CELF4: variants seen among roughly 807,000 people sequenced by gnomAD.
CELF4 encodes the protein CUGBP Elav-like family member 4.
A neutral mutation model predicts 59.9 loss-of-function variants in CELF4; 18 were observed. That is an observed-to-expected ratio of 0.30 (90% confidence interval 0.21 to 0.45). CELF4 has a LOEUF of 0.45. Among genes scored for constraint, CELF4 ranks in the 20% least tolerant of loss-of-function variants. The pLI is 1.00. For synonymous variants in CELF4, 261 were observed against 267.1 expected, an observed-to-expected ratio of 0.98 and a Z score of 0.22; for missense variants, 456 against 689.0, an observed-to-expected ratio of 0.66 and a Z score of 3.79.
chr18:37,408,004 C>CT (rs1216293520), intron 2 of CELF4, among the ~76,000 whole-genome samples: 1 of 152,174 alleles, frequency 6.6e-6, no homozygotes, highest in Non-Finnish European at 1.5e-5. Flanking sequence ...AACCGCAACA[C>CT]TGTGTGTACC....
At chr18:37,477,132 C>T (rs183370827) in intron 2 of CELF4, among the ~76,000 whole-genome samples, 2 of 152,198 alleles carry the variant, frequency 1.3e-5, no homozygotes, top group African/African-American at 2.4e-5. Context: ...GCCTCCCTCC[C>T]GCCCATCCTT....
At chr18:37,466,360 T>C (rs1176320338) in intron 2 of CELF4, among the ~76,000 whole-genome samples, 2 of 151,630 alleles carry the variant, frequency 1.3e-5, no homozygotes, top group African/African-American at 4.9e-5. Flanking sequence ...GAAGTGACAG[T>C]TTGATGCCTA....
chr18:37,388,153 G>A (rs1435665852), intron 2 of CELF4, among the ~76,000 whole-genome samples: 1 of 152,130 alleles, frequency 6.6e-6, no homozygotes, highest in Non-Finnish European at 1.5e-5. Flanking sequence ...CACCTGAGGT[G>A]TGAGAGGGGC....
chr18:37,291,423 C>A (rs2095326088), intron 3 of CELF4, among the ~76,000 whole-genome samples: 2 of 152,226 alleles, frequency 1.3e-5, no homozygotes, highest in Admixed American at 1.3e-4. Context: ...CCTGCATATG[C>A]ATCTCTTTCT....
Position 37,367,584 on chromosome 18 carries a change from G to T in CELF4, c.370-45703C>A, listed in dbSNP as rs1472052861. ...TAATGAGATCTGGTGTTGGGTGCCCGGAAGGTGCAATGTGCAGGATGGTCT... is the reference window on the plus strand; with the variant it reads ...TAATGAGATCTGGTGTTGGGTGCCCTGAAGGTGCAATGTGCAGGATGGTCT... On this transcript the variant is annotated intron_variant, in intron 2 of 12. Transcript: ENST00000420428. Among the ~76,000 whole-genome samples, 6 of 152,096 alleles carry T rather than the reference G, an allele frequency of 3.9e-5. No individual in the cohort carries two copies. The East Asian group carries it at 9.6e-4, about 24-fold the overall frequency.
chr18:37,274,862 G>A lies in CELF4; in HGVS notation c.600C>T (p.Ser200=), dbSNP rs745729950. ...NSKGCAFVKY[S]SHAEAQAAIN... is the part of the protein sequence containing the mutation. ...TGGCGGCCTGCGCCTCGGCGTGGGA[G>A]GAGTACTTCACAAAGGCGCACCCTG... Residue 200 remains serine (S), a synonymous_variant, in exon 5 of 13, where the codon TCC becomes TCT. Transcript: ENST00000420428. The A allele has an allele frequency of 1.6e-5, 25 of 1,608,348 alleles. No individual in the cohort carries two copies. The highest frequency in any genetic ancestry group is 2.1e-5 in the Non-Finnish European group (25 of 1,178,254).
intron 1 of CELF4, among the ~76,000 whole-genome samples, chr18:37,516,948 TTC>T (rs1486663103): frequency 6.6e-6 from 1 of 152,222 alleles, no homozygotes; most frequent in Non-Finnish European, 1.5e-5. Context: ...ATGGCCTGTG[TTC>T]TCTCTCTCTG....
intron 1 of CELF4, among the ~76,000 whole-genome samples, chr18:37,538,989 C>A (rs568189853): frequency 5.3e-5 from 8 of 152,324 alleles, no homozygotes; most frequent in Admixed American, 5.2e-4. Flanking sequence ...CTCCCAGCAG[C>A]TCCCTCCCTG....
At chr18:37,411,412 T>TC (rs1391624613) in intron 2 of CELF4, among the ~76,000 whole-genome samples, 1 of 152,132 alleles carries the variant, frequency 6.6e-6, no homozygotes, top group East Asian at 1.9e-4. Context: ...GGGAACATGG[T>TC]CCCACATTAG....
intron 2 of CELF4, among the ~76,000 whole-genome samples, chr18:37,335,193 C>T (rs904486045): frequency 1.3e-5 from 2 of 152,132 alleles, no homozygotes; most frequent in African/African-American, 4.8e-5. Context: ...CATCAATTAG[C>T]CATCTCCAGG....
intron 3 of CELF4, among the ~76,000 whole-genome samples, chr18:37,280,830 TC>T (rs1268443992): frequency 5.3e-5 from 8 of 152,336 alleles, no homozygotes; most frequent in Middle Eastern, 3.4e-3. Flanking sequence ...AACGCATACA[TC>T]ACCCATTCCT....
intron 1 of CELF4, among the ~76,000 whole-genome samples, chr18:37,514,049 G>A (rs2099947777): frequency 6.6e-6 from 1 of 151,250 alleles, no homozygotes; most frequent in Non-Finnish European, 1.5e-5. Flanking sequence ...TCCAGCAAAC[G>A]CAGATGCTCA....
intron 1 of CELF4, among the ~76,000 whole-genome samples, chr18:37,526,845 C>A (rs2099964401): frequency 6.7e-6 from 1 of 148,764 alleles, no homozygotes; most frequent in African/African-American, 2.5e-5. Context: ...GGCTGTGGGA[C>A]CTTGGGTAAG....
chr18:37,302,099 A>G (rs2154459134), intron 3 of CELF4, among the ~76,000 whole-genome samples: 1 of 152,332 alleles, frequency 6.6e-6, no homozygotes, highest in South Asian at 2.1e-4. Flanking sequence ...AACAAGTTGG[A>G]TGCTTATGGG....
intron 2 of CELF4, among the ~76,000 whole-genome samples, chr18:37,393,715 A>T (rs1220345557): frequency 6.6e-6 from 1 of 152,088 alleles, no homozygotes; most frequent in African/African-American, 2.4e-5. Context: ...TCTCTTGGTG[A>T]CAGGTGCCCA....
chr18:37,372,184 A>C (rs1393339462), intron 2 of CELF4, among the ~76,000 whole-genome samples: 3 of 152,236 alleles, frequency 2.0e-5, no homozygotes, highest in Non-Finnish European at 4.4e-5. Flanking sequence ...GTGCACACGT[A>C]TGTTTATTGC....
chr18:37,438,684 T>G (rs553641455), intron 2 of CELF4, among the ~76,000 whole-genome samples: 1 of 152,204 alleles, frequency 6.6e-6, no homozygotes, highest in Non-Finnish European at 1.5e-5. Context: ...ACACATCGTG[T>G]GGCTGTGGTT....
intron 3 of CELF4, among the ~76,000 whole-genome samples, chr18:37,287,606 C>T (rs1390444333): frequency 6.6e-6 from 1 of 152,184 alleles, no homozygotes; most frequent in Non-Finnish European, 1.5e-5. Flanking sequence ...GTGGGGAATC[C>T]CAGGCCCCTG....
chr18:37,301,158 G>A (rs1218107410), intron 3 of CELF4, among the ~76,000 whole-genome samples: 2 of 152,194 alleles, frequency 1.3e-5, no homozygotes, highest in African/African-American at 4.8e-5. Flanking sequence ...GAGTTCAGAT[G>A]AGCAAAACTG....
Sources: allele counts gnomAD v4.1 joint callset (sites outside exome capture counted in the v4.1 genomes callset), GRCh38; gene constraint gnomAD v4.1.1; transcripts MANE v1.5; gene names NCBI Gene and HGNC (gene_info 2026-07-23, HGNC 2026-07-21).